PIP5K1B: variants seen among roughly 807,000 people sequenced by gnomAD.
The protein encoded by PIP5K1B is phosphatidylinositol 4-phosphate 5-kinase type-1 beta.
In PIP5K1B, 42 loss-of-function variants were observed where a neutral mutation model predicts 67.0. The ratio of observed to expected loss-of-function variants is 0.63; its 90% CI spans 0.49 to 0.81. The LOEUF is 0.81. PIP5K1B is among the 30% of genes least tolerant of loss of function. PIP5K1B has a pLI of 0.00. For missense variants in PIP5K1B, 459 were observed against 646.3 expected (o/e 0.71, Z 3.14); for synonymous variants, 214 against 231.4 (o/e 0.92, Z 0.68).
intron 6 of PIP5K1B, among the ~76,000 whole-genome samples, chr9:68,880,465 G>T (rs944499483): frequency 6.6e-6 from 1 of 152,070 alleles, no homozygotes; most frequent in Admixed American, 6.5e-5. Flanking sequence ...TGAGGCAGGA[G>T]AATCACTTGT....
intron 3 of PIP5K1B, among the ~76,000 whole-genome samples, chr9:68,822,078 A>G (rs1432174251): frequency 2.0e-5 from 3 of 152,230 alleles, no homozygotes; most frequent in Non-Finnish European, 4.4e-5. Flanking sequence ...AGAATTGAGT[A>G]ATTTTTTTGT....
intron 2 of PIP5K1B, chr9:68,784,053 C>G (rs1424067368): frequency 6.0e-6 from 1 of 167,076 alleles, no homozygotes; most frequent in Non-Finnish European, 1.5e-5. Flanking sequence ...ATTTTAGATC[C>G]TTTTCCCCGA....
chr9:69,006,973 G>C (rs1351618652), intron 15 of PIP5K1B, among the ~76,000 whole-genome samples: 2 of 152,138 alleles, frequency 1.3e-5, no homozygotes, highest in African/African-American at 4.8e-5. Context: ...CTTAAAGACA[G>C]CTATCCTGGG....
At chr9:68,989,650 A>G (rs954268754) in intron 14 of PIP5K1B, among the ~76,000 whole-genome samples, 3 of 152,020 alleles carry the variant, frequency 2.0e-5, no homozygotes, top group Non-Finnish European at 2.9e-5. Flanking sequence ...TTGTATATCC[A>G]TGAGCCCCTA....
At chr9:68,793,275 G>T (rs1050341040) in intron 2 of PIP5K1B, among the ~76,000 whole-genome samples, 2 of 152,124 alleles carry the variant, frequency 1.3e-5, no homozygotes, top group African/African-American at 4.8e-5. Context: ...TTATGAGTGA[G>T]ATGAGAGCCA....
chr9:68,920,803 T>TACACACACACACACACACAC (rs59573461), intron 11 of PIP5K1B, among the ~76,000 whole-genome samples: 13 of 141,502 alleles, frequency 9.2e-5, no homozygotes, highest in South Asian at 2.2e-4. Flanking sequence ...TACACACACA[T>TACACACACACACACACACAC]ACACACACAC....
At chr9:68,864,506 T>C (rs906010958) in intron 5 of PIP5K1B, among the ~76,000 whole-genome samples, 2 of 152,238 alleles carry the variant, frequency 1.3e-5, no homozygotes, top group Admixed American at 1.3e-4. Context: ...ATATATGTTG[T>C]CTCTAGCTTT....
chr9:68,791,040 G>A (rs1299141574), intron 2 of PIP5K1B, among the ~76,000 whole-genome samples: 2 of 152,344 alleles, frequency 1.3e-5, no homozygotes, highest in South Asian at 2.1e-4. Context: ...GTTCGGTTCT[G>A]TATCAATGCC....
intron 1 of PIP5K1B, among the ~76,000 whole-genome samples, chr9:68,735,201 A>T (rs1291521489): frequency 6.6e-6 from 1 of 151,824 alleles, no homozygotes; most frequent in Non-Finnish European, 1.5e-5. Context: ...TATACCCCAT[A>T]CCAGTTTCCC....
chr9:68,971,286 C>T (rs1424242070), intron 14 of PIP5K1B, among the ~76,000 whole-genome samples: 2 of 152,178 alleles, frequency 1.3e-5, no homozygotes, highest in Non-Finnish European at 2.9e-5. Flanking sequence ...AGAATGATGG[C>T]TTCCAGCTTC....
At chr9:68,876,550 C>G in intron 5 of PIP5K1B, 127 bp from the exon 6 acceptor site, 1 of 627,504 alleles carries the variant, frequency 1.6e-6, no homozygotes, top group Non-Finnish European at 2.8e-6. Context: ...TTGAGAAACC[C>G]GCTCTCAGGG....
rs570178700 is a variant in PIP5K1B at position 68,746,428 on chromosome 9, T to C, written c.-86+3771T>C. On this transcript the variant is annotated intron_variant, in intron 2 of 15. Coordinates refer to ENST00000265382, the MANE Select transcript of PIP5K1B (RefSeq NM_003558.4). ...CTGAGACAAGGCTTAATTTTTGGTA[T>C]ATTTTTCTGTTCATCATCATCTCCC... Among the ~76,000 whole-genome samples, 32 of 152,268 alleles carry C rather than the reference T, an allele frequency of 2.1e-4. No individual in the cohort carries two copies. In the Middle Eastern group the frequency reaches 0.01, roughly 49 times the overall value.
At chr9:68,983,581 T>C (rs915280305) in intron 14 of PIP5K1B, among the ~76,000 whole-genome samples, 2 of 152,234 alleles carry the variant, frequency 1.3e-5, no homozygotes, top group African/African-American at 4.8e-5. Flanking sequence ...AAATTTGATC[T>C]CTGTATTCTA....
rs915819545 is a variant in PIP5K1B, at chr9:68,923,402, A to T, written c.1201+16A>T. 1.9e-5 allele frequency: 22 copies of T among 1,185,940 alleles called. No homozygotes were observed. The highest frequency in any genetic ancestry group is 7.1e-5 in the Admixed American group (3 of 42,516). 73.5% of individuals were successfully genotyped at this position (1,185,940 alleles called of 1,614,324 possible). ...AAAATTCAAGGTAAGATTCTTATGA[A>T]TTTTTTTTTTTACTTTTAGCAGCTA... is the stretch of plus-strand genomic sequence containing the variant. On this transcript the variant is annotated intron_variant, in intron 12 of 15. Transcript: ENST00000265382.
At chr9:68,967,952 A>AG (rs386414977) in intron 14 of PIP5K1B, among the ~76,000 whole-genome samples, 1 of 694 alleles carries the variant, frequency 1.4e-3, no homozygotes, top group Non-Finnish European at 0.019. Flanking sequence ...ATTGCTCCCC[A>AG]AAACCCAGTG....
intron 5 of PIP5K1B, among the ~76,000 whole-genome samples, chr9:68,876,466 A>G (rs1042615784): frequency 1.3e-4 from 20 of 152,178 alleles, no homozygotes; most frequent in African/African-American, 4.8e-4. Flanking sequence ...TTGACAGGGA[A>G]AGCCTGCACG....
intron 1 of PIP5K1B, among the ~76,000 whole-genome samples, chr9:68,722,021 GA>G (rs1268140804): frequency 6.6e-6 from 1 of 152,028 alleles, no homozygotes; most frequent in Non-Finnish European, 1.5e-5. Context: ...CCCTAGAAGT[GA>G]TTTCTCAGGC....
Position 68,879,913 on chromosome 9 carries a change from A to G in PIP5K1B, c.318+3119A>G, listed in dbSNP as rs569394273. ...AATTAGCTTAATTGAGCCATTCCAC[A>G]ATGTATACATGTATCAAAACATCAT... On this transcript the variant is annotated intron_variant, in intron 6 of 15. Coordinates refer to ENST00000265382, the MANE Select transcript of PIP5K1B (RefSeq NM_003558.4). Among the ~76,000 whole-genome samples the G allele has an allele frequency of 1.7e-4, 26 of 152,366 alleles. No homozygotes were observed. The South Asian group carries it at 5.4e-3, about 32-fold the overall frequency.
At position 68,814,311 on chromosome 9, in the gene PIP5K1B, A is replaced by G. The variant is rs374098009; in HGVS notation, c.-85-4150A>G. On this transcript the variant is annotated intron_variant, in intron 2 of 15. Coordinates refer to ENST00000265382, the MANE Select transcript of PIP5K1B (RefSeq NM_003558.4). ...CAGGTTTTTAAATGATTTAAAATCA[A>G]AAAGATAATATGAGCAAACCAGCAA... Among the ~76,000 whole-genome samples the G allele has an allele frequency of 5.9e-5, 9 of 152,232 alleles. No individual in the cohort carries two copies. The East Asian group carries it at 1.5e-3, about 26-fold the overall frequency.
Sources: gnomAD v4.1 joint callset for allele counts (sites outside exome capture counted in the v4.1 genomes callset) on GRCh38, gnomAD v4.1.1 for gene constraint, MANE v1.5 for transcripts, NCBI Gene and HGNC (gene_info 2026-07-23, HGNC 2026-07-21) for gene names.